The following CD1B variants were observed in gnomAD, a reference collection of about 807,000 sequenced individuals.
The protein encoded by CD1B is T-cell surface glycoprotein CD1b.
In CD1B, 43 loss-of-function variants were observed where a neutral mutation model predicts 39.8. The ratio of observed to expected loss-of-function variants is 1.08; its 90% confidence interval spans 0.85 to 1.39. The LOEUF is 1.39. Among genes scored for constraint, CD1B ranks in the 40% most tolerant of loss-of-function variants. The pLI is 0.00. For missense variants in CD1B, 495 were observed against 403.8 expected, an observed-to-expected ratio of 1.23 and a Z score of -1.94; for synonymous variants, 192 against 152.5, an observed-to-expected ratio of 1.26 and a Z score of -1.91.
At chr1:158,289,751 G>T in the CD1B span, 1 of 240,174 alleles carries the variant, frequency 4.2e-6, no homozygotes. Flanking sequence ...GGGACAAAAT[G>T]ACCTTTCTTT....
chr1:158,329,163 C>T (rs1652478157), intron 4 of CD1B, 149 bp from the exon 5 acceptor site: 2 of 922,410 alleles, frequency 2.2e-6, no homozygotes, highest in Middle Eastern at 2.4e-4. Flanking sequence ...CCTTTGATCC[C>T]CTCTACCCAG....
rs1264492516 is a variant in CD1B, at chr1:158,329,485, A to C, written c.771T>G (p.Ala257=). The C allele has an allele frequency of 1.2e-5, 19 of 1,614,044 alleles. No homozygotes were observed. The highest frequency in any genetic ancestry group is 1.6e-5 in the Non-Finnish European group (19 of 1,180,054). The change falls in exon 4 of 6, where the codon GCT becomes GCG. Residue 257 remains alanine (A), a synonymous_variant. Coordinates refer to ENST00000368168, the MANE Select transcript of CD1B (RefSeq NM_001764.3). The part of the protein sequence containing the change: ...GTQLGDILPN[A]NWTWYLRATL... Reference sequence around the variant, plus strand: ...TTGCTCGGAGATACCATGTCCAGTTAGCATTGGGCAGGATGTCCCCTAGCT... The same window carrying C: ...TTGCTCGGAGATACCATGTCCAGTTCGCATTGGGCAGGATGTCCCCTAGCT...
Position 158,328,197 on chromosome 1 carries a change from G to A in CD1B, c.*39C>T. 1 of 1,553,662 alleles carries A rather than the reference G, an allele frequency of 6.4e-7. No individual in the cohort carries two copies. On this transcript the variant is annotated 3_prime_UTR_variant, in exon 6 of 6. Transcript: ENST00000368168. Reference sequence around the variant, plus strand: ...TTTGGGCTGATATCTTGGGCTTCTTGGTACTTATTGCGAATGGGAGAGGAG... The same window carrying A: ...TTTGGGCTGATATCTTGGGCTTCTTAGTACTTATTGCGAATGGGAGAGGAG...
At chr1:158,320,037 G>T in the CD1B span, among the ~76,000 whole-genome samples, 1 of 152,212 alleles carries the variant, frequency 6.6e-6, no homozygotes, top group African/African-American at 2.4e-5. Flanking sequence ...CTCCAGCTGC[G>T]TACTGGGAGA....
Position 158,329,985 on chromosome 1 carries a change from CCTG to C in CD1B, c.471_473del (p.Ser157del). On this transcript the variant is annotated inframe_deletion, in exon 3 of 6. Coordinates refer to ENST00000368168, the MANE Select transcript of CD1B (RefSeq NM_001764.3). ...TGATTAGTGCACAGAATTTCTGTGC[CCTG>C]CTGCCACCTTCTGGGGAAGGCACAC... The C allele has an allele frequency of 6.2e-7, 1 of 1,614,006 alleles. No homozygotes were observed. Among genetic ancestry groups the C allele is most frequent in the Non-Finnish European group, 8.5e-7 (1 of 1,179,986 alleles).
At chr1:158,289,622 G>C in the CD1B span, among the ~76,000 whole-genome samples, 2 of 152,192 alleles carry the variant, frequency 1.3e-5, no homozygotes, top group African/African-American at 4.8e-5. Context: ...ACACTATGGA[G>C]AGTGGAGGCA....
chr1:158,296,170 G>A, the CD1B span, among the ~76,000 whole-genome samples: 2 of 151,776 alleles, frequency 1.3e-5, no homozygotes, highest in Non-Finnish European at 2.9e-5. Context: ...GCTTTTCTGG[G>A]ACCCCCCCAC....
chr1:158,324,893 A>T (rs1466650651), downstream of CD1B, among the ~76,000 whole-genome samples: 1 of 152,192 alleles, frequency 6.6e-6, no homozygotes, highest in Non-Finnish European at 1.5e-5. Context: ...AAAGAATCTC[A>T]TTGTCACAGA....
At chr1:158,315,857 G>A in the CD1B span, among the ~76,000 whole-genome samples, 1 of 152,068 alleles carries the variant, frequency 6.6e-6, no homozygotes, top group Non-Finnish European at 1.5e-5. Context: ...AAGGGATCCA[G>A]TTTCAGCTTT....
chr1:158,309,473 A>T, the CD1B span, among the ~76,000 whole-genome samples: 2 of 152,202 alleles, frequency 1.3e-5, no homozygotes, highest in Non-Finnish European at 2.9e-5. Flanking sequence ...CAGCCATCCC[A>T]TTACTGGTTA....
intron 2 of CD1B, 184 bp downstream of exon 2, chr1:158,330,612 C>A (rs1304921185): frequency 1.4e-6 from 1 of 739,086 alleles, no homozygotes; most frequent in Non-Finnish European, 2.5e-6. Flanking sequence ...GCAGAGGCAG[C>A]AAGAATCTGA....
chr1:158,293,668 A>G, the CD1B span: 2 of 1,346,874 alleles, frequency 1.5e-6, no homozygotes, highest in African/African-American at 1.5e-5. Context: ...TATAGCACTC[A>G]ACCTTCAAAG....
the CD1B span, among the ~76,000 whole-genome samples, chr1:158,320,415 G>A: frequency 3.3e-5 from 5 of 152,142 alleles, no homozygotes; most frequent in East Asian, 3.9e-4. Flanking sequence ...GGAGTGACCC[G>A]ATTTTCCAGG....
At chr1:158,286,120 G>A in the CD1B span, among the ~76,000 whole-genome samples, 9 of 152,118 alleles carry the variant, frequency 5.9e-5, no homozygotes, top group Non-Finnish European at 1.0e-4. Context: ...AACGTCTGTG[G>A]TCTGAGCAAA....
Position 158,330,856 on chromosome 1 carries a change from C to T in CD1B, c.268G>A (p.Val90Ile). The change falls in exon 2 of 6, where the codon GTC becomes ATC. Residue 90 changes from valine to isoleucine, a missense_variant. Physicochemically the swap from Val to Ile is conservative, Grantham distance 29. Transcript: ENST00000368168. ...TCTCGAGCGAATCCAAAGATGTAGA[C>T]TCGGAATATCTCCTCTAACTCAGCA... ...EVAELEEIFR[V>I]YIFGFAREVQ... 6.2e-7 allele frequency: 1 copy of T among 1,614,052 alleles called. No individual in the cohort carries two copies. The highest frequency in any genetic ancestry group is 8.5e-7 in the Non-Finnish European group (1 of 1,179,952).
downstream of CD1B, among the ~76,000 whole-genome samples, chr1:158,324,660 A>AT (rs930043025): frequency 4.6e-5 from 7 of 151,462 alleles, no homozygotes; most frequent in East Asian, 1.9e-4. Context: ...CCACAGGCTA[A>AT]TTTTTTTTTA....
the CD1B span, among the ~76,000 whole-genome samples, chr1:158,313,345 C>T: frequency 1.3e-5 from 2 of 152,168 alleles, no homozygotes; most frequent in African/African-American, 2.4e-5. Flanking sequence ...GTGTCTCACT[C>T]TGTCACCCAA....
At chr1:158,304,592 G>C in the CD1B span, among the ~76,000 whole-genome samples, 1 of 152,158 alleles carries the variant, frequency 6.6e-6, no homozygotes, top group African/African-American at 2.4e-5. Context: ...AGAGAGTAGT[G>C]GTTCTCCCAG....
chr1:158,303,349 C>T, the CD1B span, among the ~76,000 whole-genome samples: 2 of 152,178 alleles, frequency 1.3e-5, no homozygotes, highest in African/African-American at 4.8e-5. Context: ...AAGCTTGAAG[C>T]ATTCCCTTTG....
Sources: allele counts gnomAD v4.1 joint callset (sites outside exome capture counted in the v4.1 genomes callset), GRCh38; gene constraint gnomAD v4.1.1; transcripts MANE v1.5; gene names NCBI Gene and HGNC (gene_info 2026-07-23, HGNC 2026-07-21).